MRPS6: variants seen among roughly 807,000 people sequenced by gnomAD.
The protein encoded by MRPS6 is mitochondrial ribosomal protein S6.
MRPS6 carries 6 observed loss-of-function variants against 13.1 expected under a neutral mutation model. The observed-to-expected ratio is 0.46, with a 90% CI of 0.25 to 0.91. The LOEUF is 0.91. MRPS6 is among the 40% of genes least tolerant of loss of function. The pLI is 0.18. For missense variants in MRPS6, 164 were observed against 155.6 expected (o/e 1.05, Z -0.29); for synonymous variants, 61 against 56.5 (o/e 1.08, Z -0.36).
intron 1 of MRPS6, among the ~76,000 whole-genome samples, chr21:34,081,581 G>A (rs1425000529): frequency 6.6e-6 from 1 of 152,186 alleles, no homozygotes; most frequent in African/African-American, 2.4e-5. Context: ...GAGCTTTAGA[G>A]GCAGATGGGA....
At position 34,077,020 on chromosome 21, in the gene MRPS6, C is replaced by G. The variant is rs142705153; in HGVS notation, c.45+3275C>G. Reference sequence around the variant, plus strand: ...TGACAATGGAAAAAGAAATGGATTGCCTGTGAGATGGTGAGGTCTATATCC... The same window carrying G: ...TGACAATGGAAAAAGAAATGGATTGGCTGTGAGATGGTGAGGTCTATATCC... On this transcript the variant is annotated intron_variant, in intron 1 of 2. Coordinates refer to ENST00000399312, the MANE Select transcript of MRPS6 (RefSeq NM_032476.4). 4.4e-3 allele frequency among the ~76,000 whole-genome samples: 669 copies of G among 152,274 alleles called. 3 individuals carry two copies. The highest frequency in any genetic ancestry group is 0.016 in the African/African-American group (647 of 41,552).
intron 1 of MRPS6, among the ~76,000 whole-genome samples, chr21:34,092,870 AG>A (rs1978777376): frequency 6.6e-6 from 1 of 152,168 alleles, no homozygotes; most frequent in Non-Finnish European, 1.5e-5. Context: ...ATACCTGATT[AG>A]CCAGGTAGCC....
intron 1 of MRPS6, chr21:34,099,444 G>C: frequency 1.0e-6 from 1 of 1,000,104 alleles, no homozygotes; most frequent in South Asian, 4.7e-5. Context: ...TTGGTGTTTG[G>C]GAAAGTAATA....
At position 34,111,968 on chromosome 21, in the gene MRPS6, C is replaced by T. The variant is rs1034081285; in HGVS notation, c.46-13373C>T. The stretch of plus-strand genomic sequence containing the variant: ...TGGATGCACTGTTAAGTGTTTCTGC[C>T]TGTGCCTTAGATGTTGTTTCTGTCT... On this transcript the variant is annotated intron_variant, in intron 1 of 2. Transcript: ENST00000399312. Among the ~76,000 whole-genome samples the T allele has an allele frequency of 4.0e-4, 61 of 152,176 alleles. 2 individuals carry two copies. The highest frequency in any genetic ancestry group is 1.3e-3 in the African/African-American group (55 of 41,506).
At chr21:34,119,554 A>G (rs1193634680) in intron 1 of MRPS6, among the ~76,000 whole-genome samples, 1 of 152,076 alleles carries the variant, frequency 6.6e-6, no homozygotes, top group Admixed American at 6.5e-5. Context: ...CCTGCTCTTG[A>G]GTGTTGTATA....
At chr21:34,105,403 T>C in intron 1 of MRPS6, 1 of 999,100 alleles carries the variant, frequency 1.0e-6, no homozygotes, top group African/African-American at 1.7e-5. Context: ...TCTAATAATA[T>C]CCTGTGAAAT....
At chr21:34,079,217 A>G (rs1266736273) in intron 1 of MRPS6, among the ~76,000 whole-genome samples, 1 of 152,212 alleles carries the variant, frequency 6.6e-6, no homozygotes, top group Non-Finnish European at 1.5e-5. Flanking sequence ...ACTTTATGGC[A>G]CTTGAATTTC....
intron 1 of MRPS6, among the ~76,000 whole-genome samples, chr21:34,091,703 C>T (rs1283198995): frequency 7.2e-5 from 11 of 152,140 alleles, no homozygotes; most frequent in Admixed American, 7.2e-4. Context: ...CAATAAAATA[C>T]TACTTTCTGA....
chr21:34,100,146 T>G, intron 1 of MRPS6: 4 of 999,852 alleles, frequency 4.0e-6, no homozygotes, highest in Non-Finnish European at 4.8e-6. Context: ...TAGCTAAAAG[T>G]CAAAATGAGG....
At chr21:34,122,609 T>A (rs1980159292) in intron 1 of MRPS6, 1 of 152,232 alleles carries the variant, frequency 6.6e-6, no homozygotes, top group Admixed American at 6.5e-5. Context: ...AACACTTCAG[T>A]TGGAACTTAA....
intron 1 of MRPS6, among the ~76,000 whole-genome samples, chr21:34,121,879 G>A (rs1980132490): frequency 6.6e-6 from 1 of 152,198 alleles, no homozygotes; most frequent in Non-Finnish European, 1.5e-5. Context: ...ATTATTAGGA[G>A]CTTGGCAGAT....
In MRPS6 at chr21:34,073,601, C is replaced by T. The variant is rs1453545757; in HGVS notation, c.-100C>T. 47 of 1,061,756 alleles carry T rather than the reference C, an allele frequency of 4.4e-5. No individual in the cohort carries two copies. The highest frequency in any genetic ancestry group is 7.1e-5 in the Admixed American group (3 of 42,538). The allele number at this position is 1,061,756 out of a possible 1,614,324, so 65.8% of individuals were successfully genotyped here. On this transcript the variant is annotated 5_prime_UTR_variant, in exon 1 of 3. Transcript: ENST00000399312. ...GTGCTTTCGCCGCCTGGGAGCCGTC[C>T]GGCGCAGCAGTTTCTAGGTCCCCAC...
chr21:34,110,987 C>T (rs1370493506), intron 1 of MRPS6, among the ~76,000 whole-genome samples: 3 of 152,138 alleles, frequency 2.0e-5, no homozygotes, highest in Non-Finnish European at 4.4e-5. Flanking sequence ...AAATGACCCC[C>T]AGAAAGCACA....
rs531239910 is a variant in MRPS6 at position 34,128,399 on chromosome 21, G to A, written c.185+2919G>A. On this transcript the variant is annotated intron_variant, in intron 2 of 2. Transcript: ENST00000399312. ...AAATCAACCGCCTTATCACGTACAT[G>A]CCCAGTAGGCTGGAAGAAAAGAGTA... 3.3e-5 allele frequency among the ~76,000 whole-genome samples: 5 copies of A among 152,180 alleles called. No homozygotes were observed. In the East Asian group the frequency reaches 7.7e-4, roughly 24 times the overall value.
chr21:34,104,235 T>G, intron 1 of MRPS6: 1 of 1,000,186 alleles, frequency 1.0e-6, no homozygotes. Flanking sequence ...GCTACTTTGC[T>G]TTTCACAATG....
intron 1 of MRPS6, among the ~76,000 whole-genome samples, chr21:34,081,633 C>T (rs1223483519): frequency 6.6e-6 from 1 of 152,094 alleles, no homozygotes; most frequent in Non-Finnish European, 1.5e-5. Flanking sequence ...AGGACTTTAA[C>T]CTTCTGGATC....
At chr21:34,075,584 G>C (rs1484454494) in intron 1 of MRPS6, among the ~76,000 whole-genome samples, 1 of 152,194 alleles carries the variant, frequency 6.6e-6, no homozygotes, top group African/African-American at 2.4e-5. Context: ...GATAATAAAG[G>C]TGAACTGCCT....
intron 1 of MRPS6, among the ~76,000 whole-genome samples, chr21:34,076,019 C>T (rs1468902988): frequency 5.3e-5 from 8 of 152,176 alleles, no homozygotes; most frequent in Non-Finnish European, 4.4e-5. Flanking sequence ...GTATCTTCCA[C>T]GTTTTTAGAT....
At chr21:34,100,025 A>T (rs1344481731) in intron 1 of MRPS6, 1 of 904,560 alleles carries the variant, frequency 1.1e-6, no homozygotes, top group African/African-American at 1.8e-5. Flanking sequence ...CATACTTTAC[A>T]CTGACTAAAT....
Sources: allele counts gnomAD v4.1 joint callset (sites outside exome capture counted in the v4.1 genomes callset), GRCh38; gene constraint gnomAD v4.1.1; transcripts MANE v1.5; gene names NCBI Gene and HGNC (gene_info 2026-07-23, HGNC 2026-07-21).